Variants in VOPP1 observed in about 807,000 individuals in gnomAD.
VOPP1 encodes the protein WW domain binding protein VOPP1.
Under a neutral mutation model 23.5 loss-of-function variants are expected in VOPP1, and 8 were observed. That is an observed-to-expected ratio of 0.34 (90% CI 0.20 to 0.61). VOPP1 has a LOEUF of 0.61. VOPP1 is among the 20% of genes least tolerant of loss of function. VOPP1 has a pLI of 0.78. For synonymous variants in VOPP1, 83 were observed against 97.3 expected (o/e 0.85, Z 0.86); for missense variants, 174 against 238.1 (o/e 0.73, Z 1.77).
chr7:55,501,521 C>G (rs1403286109), intron 2 of VOPP1, among the ~76,000 whole-genome samples: 1 of 152,234 alleles, frequency 6.6e-6, no homozygotes, highest in African/African-American at 2.4e-5. Flanking sequence ...TCACTTTCTG[C>G]TGTTAACAGT....
At chr7:55,564,679 G>A (rs1229602105) in intron 1 of VOPP1, among the ~76,000 whole-genome samples, 1 of 152,100 alleles carries the variant, frequency 6.6e-6, no homozygotes, top group African/African-American at 2.4e-5. Context: ...CCTCCCTCCT[G>A]TCCGCAGGTG....
intron 4 of VOPP1, among the ~76,000 whole-genome samples, chr7:55,451,118 C>T: frequency 6.6e-6 from 1 of 152,282 alleles, no homozygotes; most frequent in East Asian, 1.9e-4. Context: ...CTTCTTCTTG[C>T]GGGTAGGGGG....
chr7:55,470,883 G>A lies in VOPP1; in HGVS notation c.*1972C>T, dbSNP rs1463670835. Reference sequence around the variant, plus strand: ...TCCATATGCAGGATCAGCGTTCACAGTAGCACAATTCTAACCAAGTTCAAG... The same window carrying A: ...TCCATATGCAGGATCAGCGTTCACAATAGCACAATTCTAACCAAGTTCAAG... On this transcript the variant is annotated 3_prime_UTR_variant, in exon 5 of 5. Coordinates refer to ENST00000285279, the MANE Select transcript of VOPP1 (RefSeq NM_030796.5). The A allele has an allele frequency of 2.6e-5, 4 of 152,166 alleles. No individual in the cohort carries two copies. The highest frequency in any genetic ancestry group is 4.4e-5 in the Non-Finnish European group (3 of 67,984). 9.4% of individuals were successfully genotyped at this position (152,166 alleles called of 1,614,324 possible).
chr7:55,456,141 A>T (rs1265090731), intron 4 of VOPP1, among the ~76,000 whole-genome samples: 13 of 152,226 alleles, frequency 8.5e-5, no homozygotes, highest in Non-Finnish European at 1.8e-4. Flanking sequence ...TGGGCAAAGG[A>T]TATGAACAGA....
At chr7:55,442,323 A>T (rs1424889998) in intron 4 of VOPP1, among the ~76,000 whole-genome samples, 1 of 152,226 alleles carries the variant, frequency 6.6e-6, no homozygotes, top group Non-Finnish European at 1.5e-5. Context: ...CGAAGGGTGG[A>T]GGAAGACAGG....
intron 2 of VOPP1, among the ~76,000 whole-genome samples, chr7:55,500,349 C>G (rs1329354170): frequency 6.6e-6 from 1 of 152,208 alleles, no homozygotes; most frequent in East Asian, 1.9e-4. Flanking sequence ...CGTGAGAGGG[C>G]CATGTAGCCA....
At chr7:55,481,267 G>A (rs917415354) in intron 4 of VOPP1, among the ~76,000 whole-genome samples, 4 of 152,194 alleles carry the variant, frequency 2.6e-5, no homozygotes, top group African/African-American at 9.7e-5. Flanking sequence ...GAGCCCGCTG[G>A]GCAGCCAGGA....
At chr7:55,521,781 G>A (rs1795881542) in intron 1 of VOPP1, 11 of 985,786 alleles carry the variant, frequency 1.1e-5, no homozygotes, top group Admixed American at 6.2e-5. Context: ...CACAGGCATC[G>A]GAGCAGGGGC....
intron 2 of VOPP1, among the ~76,000 whole-genome samples, chr7:55,505,702 G>T (rs1794679701): frequency 8.3e-6 from 1 of 121,200 alleles, no homozygotes; most frequent in Non-Finnish European, 1.7e-5. Context: ...AGGGAGGGAG[G>T]GAAGGAACTT....
chr7:55,557,791 G>A (rs1797859331), intron 1 of VOPP1, among the ~76,000 whole-genome samples: 2 of 152,256 alleles, frequency 1.3e-5, no homozygotes, highest in Admixed American at 6.5e-5. Flanking sequence ...CGTCCGCAGA[G>A]AATGGCAGAA....
chr7:55,510,847 T>A (rs866657227), intron 2 of VOPP1, among the ~76,000 whole-genome samples: 1 of 152,038 alleles, frequency 6.6e-6, no homozygotes, highest in African/African-American at 2.4e-5. Context: ...CCTGCACTCC[T>A]CCCAAAGTCT....
At chr7:55,514,194 A>G (rs1249888998) in intron 2 of VOPP1, among the ~76,000 whole-genome samples, 1 of 152,220 alleles carries the variant, frequency 6.6e-6, no homozygotes, top group Non-Finnish European at 1.5e-5. Context: ...ACCCTTAATG[A>G]GCTAAAATCC....
rs775489820 is a variant in VOPP1 at position 55,473,045 on chromosome 7, C to A, written c.329G>T (p.Gly110Val). 125 of 1,596,246 alleles carry A rather than the reference C, an allele frequency of 7.8e-5. No homozygotes were observed. Among genetic ancestry groups the A allele is most frequent in the Non-Finnish European group, 1.0e-4 (123 of 1,173,056 alleles). The change falls in exon 5 of 5, where the codon GGA (glycine) becomes GTA (valine). Residue 110 changes from glycine (G) to valine (V), a missense_variant and splice_region_variant. Transcript: ENST00000285279. ...YTRQPPNPGP[G>V]AQQPGPPYYT... is the part of the protein sequence containing the mutation. ...ATAGGGCGGCCCCGGCTGCTGGGCT[C>A]CTGAAAGACAGACAAACATAGGTGA...
intron 3 of VOPP1, among the ~76,000 whole-genome samples, chr7:55,494,452 C>A (rs1037882592): frequency 2.6e-4 from 39 of 152,066 alleles, no homozygotes; most frequent in African/African-American, 8.9e-4. Context: ...AATGTCGGTT[C>A]CACTGCCAAC....
chr7:55,571,242 C>T (rs1798343239), intron 1 of VOPP1, among the ~76,000 whole-genome samples: 1 of 152,208 alleles, frequency 6.6e-6, no homozygotes, highest in Non-Finnish European at 1.5e-5. Context: ...ATTTGTCCAC[C>T]AGCCTTCCTT....
chr7:55,538,700 A>G (rs1315718190), intron 1 of VOPP1: 17 of 1,528,672 alleles, frequency 1.1e-5, no homozygotes, highest in Non-Finnish European at 1.4e-5. Flanking sequence ...TTAGCTGTTC[A>G]TCAAGAGAGG....
intron 2 of VOPP1, among the ~76,000 whole-genome samples, chr7:55,506,710 T>G (rs1794752667): frequency 6.7e-6 from 1 of 149,782 alleles, no homozygotes; most frequent in Non-Finnish European, 1.5e-5. Flanking sequence ...GCGATCTTGG[T>G]TCACTGCAGC....
intron 4 of VOPP1, among the ~76,000 whole-genome samples, chr7:55,477,424 T>C (rs1280872121): frequency 1.3e-5 from 2 of 152,226 alleles, no homozygotes; most frequent in African/African-American, 2.4e-5. Context: ...TGCATGGGTT[T>C]CCTGAGACAC....
At chr7:55,538,680 T>C (rs1796953389) in intron 1 of VOPP1, 1 of 1,535,598 alleles carries the variant, frequency 6.5e-7, no homozygotes, top group South Asian at 1.2e-5. Context: ...CAAAAACAGC[T>C]ACAAACTACT....
Sources: gnomAD v4.1 joint callset for allele counts (sites outside exome capture counted in the v4.1 genomes callset) on GRCh38, gnomAD v4.1.1 for gene constraint, MANE v1.5 for transcripts, NCBI Gene and HGNC (gene_info 2026-07-23, HGNC 2026-07-21) for gene names.